Variants in COL14A1 observed in about 807,000 individuals in gnomAD.
COL14A1 encodes collagen alpha-1(XIV) chain.
In COL14A1, 136 loss-of-function variants were observed where a neutral mutation model predicts 230.3. That is an observed-to-expected ratio of 0.59 (90% CI 0.51 to 0.68). The LOEUF (loss-of-function observed/expected upper bound fraction) is 0.68, where lower values mean the gene tolerates loss of function less well. Among genes scored for constraint, COL14A1 ranks in the 30% least tolerant of loss-of-function variants. The probability of loss-of-function intolerance (pLI) is 0.00; values close to 1 mark genes in which losing one functional copy is unlikely to be tolerated. For synonymous variants in COL14A1, 792 were observed against 784.1 expected, an observed-to-expected ratio of 1.01 and a Z score of -0.17; for missense variants, 1,976 against 2,215.8, an observed-to-expected ratio of 0.89 and a Z score of 2.17.
chr8:120,171,697 T>C (rs2130595876), intron 5 of COL14A1, among the ~76,000 whole-genome samples: 1 of 152,334 alleles, frequency 6.6e-6, no homozygotes, highest in Non-Finnish European at 1.5e-5. Context: ...AGCCCAGATG[T>C]AGATTTCTTT....
chr8:120,242,623 C>T (rs1436358662), intron 19 of COL14A1, among the ~76,000 whole-genome samples: 2 of 152,178 alleles, frequency 1.3e-5, no homozygotes, highest in East Asian at 1.9e-4. Context: ...GGCCGTCTAA[C>T]TCATTCTGGA....
intron 22 of COL14A1, among the ~76,000 whole-genome samples, chr8:120,252,751 T>TATTGTAATG (rs1819013509): frequency 6.6e-6 from 1 of 152,216 alleles, no homozygotes; most frequent in Non-Finnish European, 1.5e-5. Context: ...GATGGGGCTT[T>TATTGTAATG]ATGCACTTGC....
chr8:120,229,525 G>T (rs1272326153), intron 18 of COL14A1, among the ~76,000 whole-genome samples: 18 of 152,040 alleles, frequency 1.2e-4, no homozygotes, highest in East Asian at 7.7e-4. Flanking sequence ...TGGACATTTG[G>T]GTTGGTTCCA....
chr8:120,287,012 G>T (rs1291002772), intron 33 of COL14A1, among the ~76,000 whole-genome samples: 2 of 152,220 alleles, frequency 1.3e-5, no homozygotes, highest in East Asian at 3.9e-4. Flanking sequence ...CATTTACTAG[G>T]TGGTGTAGAA....
intron 34 of COL14A1, among the ~76,000 whole-genome samples, chr8:120,295,567 A>G (rs1190136019): frequency 6.6e-6 from 1 of 151,890 alleles, no homozygotes; most frequent in Non-Finnish European, 1.5e-5. Flanking sequence ...TTTCATAGAT[A>G]TTATTATTGT....
intron 6 of COL14A1, among the ~76,000 whole-genome samples, chr8:120,197,329 TA>T (rs1468099098): frequency 2.0e-5 from 3 of 152,112 alleles, no homozygotes; most frequent in Non-Finnish European, 4.4e-5. Flanking sequence ...TTTGCCAAAT[TA>T]ATTCTAGCCC....
At chr8:120,364,266 G>T (rs534076995) in intron 45 of COL14A1, among the ~76,000 whole-genome samples, 2 of 152,118 alleles carry the variant, frequency 1.3e-5, no homozygotes, top group Admixed American at 6.6e-5. Context: ...CTGCCCTCAG[G>T]CATCTCATGG....
chr8:120,346,993 C>A (rs2130295006), intron 45 of COL14A1, among the ~76,000 whole-genome samples: 1 of 152,280 alleles, frequency 6.6e-6, no homozygotes, highest in East Asian at 1.9e-4. Context: ...TCCCTCACAA[C>A]ACACCAAAGA....
intron 34 of COL14A1, among the ~76,000 whole-genome samples, chr8:120,292,728 G>A (rs1173644678): frequency 6.6e-6 from 1 of 152,046 alleles, no homozygotes; most frequent in Non-Finnish European, 1.5e-5. Context: ...ATATAAGAGA[G>A]ATTAGTAACT....
chr8:120,249,643 G>A (rs1399324140), intron 21 of COL14A1, among the ~76,000 whole-genome samples: 1 of 152,184 alleles, frequency 6.6e-6, no homozygotes, highest in Non-Finnish European at 1.5e-5. Flanking sequence ...ACTGGTGAGA[G>A]AGGACTTGCT....
chr8:120,273,459 G>A (rs1476987352), intron 26 of COL14A1, among the ~76,000 whole-genome samples: 1 of 151,506 alleles, frequency 6.6e-6, no homozygotes, highest in Non-Finnish European at 1.5e-5. Context: ...AGAACTAAAT[G>A]AAATTGAAAC....
At chr8:120,128,680 G>A (rs1157345382) in intron 1 of COL14A1, among the ~76,000 whole-genome samples, 1 of 152,172 alleles carries the variant, frequency 6.6e-6, no homozygotes, top group African/African-American at 2.4e-5. Flanking sequence ...AGGAAATTCT[G>A]AGCGTTCTTT....
intron 1 of COL14A1, among the ~76,000 whole-genome samples, chr8:120,145,494 C>T (rs1419949207): frequency 6.6e-6 from 1 of 152,182 alleles, no homozygotes; most frequent in Non-Finnish European, 1.5e-5. Flanking sequence ...TGGCACGTGC[C>T]TGTAATCCCA....
chr8:120,188,168 C>T (rs541017026), intron 5 of COL14A1, among the ~76,000 whole-genome samples: 1 of 151,890 alleles, frequency 6.6e-6, no homozygotes, highest in Non-Finnish European at 1.5e-5. Flanking sequence ...CTGCAACCTC[C>T]ACCTCCTGGG....
intron 40 of COL14A1, among the ~76,000 whole-genome samples, chr8:120,325,297 A>G (rs922909432): frequency 2.6e-5 from 4 of 152,206 alleles, no homozygotes; most frequent in Admixed American, 1.3e-4. Context: ...TGAGGTAGGA[A>G]TATTAAAAAG....
intron 26 of COL14A1, among the ~76,000 whole-genome samples, chr8:120,275,936 A>G (rs1220958159): frequency 2.0e-5 from 3 of 151,888 alleles, no homozygotes; most frequent in African/African-American, 4.8e-5. Context: ...TTCTTAAAGA[A>G]CTAAAAGTAG....
Position 120,278,099 on chromosome 8 carries a change from T to G in COL14A1, c.3214-12T>G, listed in dbSNP as rs1169526796. On this transcript the variant is annotated splice_polypyrimidine_tract_variant and intron_variant, in intron 26 of 47. Coordinates refer to ENST00000297848, the MANE Select transcript of COL14A1 (RefSeq NM_021110.4). ...ACATATGTGTGAAAATGAATACACCTTCTCTCTCCAGGTTGCAATGGTTCA... is the reference window on the plus strand; with the variant it reads ...ACATATGTGTGAAAATGAATACACCGTCTCTCTCCAGGTTGCAATGGTTCA... 1.3e-6 allele frequency: 2 copies of G among 1,596,286 alleles called. No homozygotes were observed.
chr8:120,231,872 T>C, intron 19 of COL14A1: 1 of 384,612 alleles, frequency 2.6e-6, no homozygotes, highest in Non-Finnish European at 4.7e-6. Context: ...GCTTCTCTTC[T>C]GCTGCCTTGC....
At chr8:120,193,690 A>G (rs1039108566) in intron 5 of COL14A1, among the ~76,000 whole-genome samples, 5 of 152,186 alleles carry the variant, frequency 3.3e-5, no homozygotes, top group Non-Finnish European at 7.3e-5. Context: ...CTTGAGCTGT[A>G]GTGGGCTCCA....
Sources: gnomAD v4.1 joint callset for allele counts (sites outside exome capture counted in the v4.1 genomes callset) on GRCh38, gnomAD v4.1.1 for gene constraint, MANE v1.5 for transcripts, NCBI Gene and HGNC (gene_info 2026-07-23, HGNC 2026-07-21) for gene names.